THSD7A: variants seen among roughly 807,000 people sequenced by gnomAD.
THSD7A encodes thrombospondin type-1 domain-containing protein 7A.
Under a neutral mutation model 231.3 loss-of-function variants are expected in THSD7A, and 96 were observed. That is an observed-to-expected ratio of 0.41 (90% CI 0.35 to 0.49). The LOEUF (loss-of-function observed/expected upper bound fraction) is 0.49. THSD7A is among the 20% of genes least tolerant of loss of function. The pLI is 0.05. For missense variants in THSD7A, 2,290 were observed against 2,070.2 expected, an observed-to-expected ratio of 1.11 and a Z score of -2.06; for synonymous variants, 940 against 743.3, an observed-to-expected ratio of 1.26 and a Z score of -4.30.
intron 16 of THSD7A, among the ~76,000 whole-genome samples, chr7:11,422,563 G>A (rs1028693757): frequency 4.3e-5 from 6 of 139,654 alleles, no homozygotes; most frequent in Non-Finnish European, 9.1e-5. Flanking sequence ...TGTTTAGAAT[G>A]TGTTTGGAAA....
chr7:11,714,660 C>A (rs1781076646), intron 1 of THSD7A, among the ~76,000 whole-genome samples: 1 of 151,174 alleles, frequency 6.6e-6, no homozygotes, highest in Admixed American at 6.6e-5. Flanking sequence ...TTAAAAAGTA[C>A]CCTAAGAAAA....
chr7:11,529,473 C>T (rs1788611996), intron 6 of THSD7A, among the ~76,000 whole-genome samples: 2 of 152,062 alleles, frequency 1.3e-5, no homozygotes, highest in South Asian at 4.1e-4. Flanking sequence ...GAATTGTAAA[C>T]CCCACCAGGC....
At chr7:11,419,722 T>C (rs1784080117) in intron 16 of THSD7A, among the ~76,000 whole-genome samples, 1 of 152,212 alleles carries the variant, frequency 6.6e-6, no homozygotes. Flanking sequence ...ACGGAACGTT[T>C]GGAACTTCCT....
At chr7:11,656,312 A>C (rs1219300502) in intron 1 of THSD7A, among the ~76,000 whole-genome samples, 1 of 151,908 alleles carries the variant, frequency 6.6e-6, no homozygotes, top group African/African-American at 2.4e-5. Context: ...AATTGCACTC[A>C]CAACAAATTA....
At chr7:11,709,208 G>A (rs1434968109) in intron 1 of THSD7A, among the ~76,000 whole-genome samples, 2 of 150,732 alleles carry the variant, frequency 1.3e-5, no homozygotes, top group Non-Finnish European at 3.0e-5. Flanking sequence ...TGCTCATGCT[G>A]CATACATTCA....
At chr7:11,718,819 A>C (rs900641081) in intron 1 of THSD7A, among the ~76,000 whole-genome samples, 3 of 151,704 alleles carry the variant, frequency 2.0e-5, no homozygotes, top group Admixed American at 1.3e-4. Flanking sequence ...TTTTGTCCAA[A>C]TAAGACAAAA....
chr7:11,517,142 A>T (rs367551750), intron 6 of THSD7A, among the ~76,000 whole-genome samples: 98 of 152,236 alleles, frequency 6.4e-4, no homozygotes, highest in African/African-American at 2.2e-3. Flanking sequence ...TCAGTGGCAC[A>T]ATCTTGGCTC....
At chr7:11,436,393 T>C (rs1363491420) in intron 13 of THSD7A, among the ~76,000 whole-genome samples, 1 of 152,100 alleles carries the variant, frequency 6.6e-6, no homozygotes, top group Non-Finnish European at 1.5e-5. Context: ...TTCTAATAAG[T>C]ATTAAACATA....
chr7:11,793,491 A>T (rs938164134), intron 1 of THSD7A, among the ~76,000 whole-genome samples: 6 of 152,030 alleles, frequency 3.9e-5, no homozygotes, highest in African/African-American at 1.4e-4. Context: ...CATGGGAAGA[A>T]AATGCACTAT....
At position 11,589,309 on chromosome 7, in the gene THSD7A, C is replaced by T. The variant is rs73676034; in HGVS notation, c.1453+1151G>A. Among the ~76,000 whole-genome samples the T allele has an allele frequency of 8.7e-3, 1,329 of 152,226 alleles. 9 individuals are homozygous for T. The highest frequency in any genetic ancestry group is 0.021 in the African/African-American group (862 of 41,540). ...GCCAAATACAACACGCCCATCTTTA[C>T]TGGTGAGATTTACCCTTGGTTTTTG... is the stretch of plus-strand genomic sequence containing the variant. On this transcript the variant is annotated intron_variant, in intron 4 of 27. Transcript: ENST00000423059.
intron 24 of THSD7A, among the ~76,000 whole-genome samples, chr7:11,381,527 T>C (rs2115300211): frequency 6.6e-6 from 1 of 152,316 alleles, no homozygotes; most frequent in Non-Finnish European, 1.5e-5. Flanking sequence ...GTTAAATTTC[T>C]AAACAAACAT....
intron 1 of THSD7A, among the ~76,000 whole-genome samples, chr7:11,715,291 A>T (rs1781099080): frequency 6.6e-6 from 1 of 151,498 alleles, no homozygotes; most frequent in South Asian, 2.1e-4. Flanking sequence ...TTGGAAATGG[A>T]GATTCCAAGT....
chr7:11,514,265 G>C (rs1787936216), intron 6 of THSD7A, among the ~76,000 whole-genome samples: 1 of 151,974 alleles, frequency 6.6e-6, no homozygotes, highest in Admixed American at 6.6e-5. Flanking sequence ...CTCATTTATT[G>C]CCTATTTCTC....
At chr7:11,477,221 T>G (rs1420044694) in intron 7 of THSD7A, among the ~76,000 whole-genome samples, 2 of 152,214 alleles carry the variant, frequency 1.3e-5, no homozygotes, top group African/African-American at 4.8e-5. Flanking sequence ...TGAACAGTTT[T>G]TCAATTGTTT....
chr7:11,422,462 A>T (rs1002647705), intron 16 of THSD7A, among the ~76,000 whole-genome samples: 4 of 152,186 alleles, frequency 2.6e-5, no homozygotes, highest in Admixed American at 2.6e-4. Flanking sequence ...ACATCATTAC[A>T]TGATTAGAGA....
intron 1 of THSD7A, among the ~76,000 whole-genome samples, chr7:11,715,449 C>G (rs139544279): frequency 1.1e-4 from 16 of 151,522 alleles, no homozygotes; most frequent in African/African-American, 3.9e-4. Context: ...TGGTTTTACT[C>G]AACTTAATTA....
At chr7:11,498,940 T>G (rs1787221657) in intron 6 of THSD7A, among the ~76,000 whole-genome samples, 1 of 152,166 alleles carries the variant, frequency 6.6e-6, no homozygotes, top group East Asian at 1.9e-4. Flanking sequence ...ATCTCCTCAC[T>G]GGGCAGGTCC....
At chr7:11,611,883 T>TATC (rs1209753604) in intron 2 of THSD7A, among the ~76,000 whole-genome samples, 2 of 151,120 alleles carry the variant, frequency 1.3e-5, no homozygotes, top group African/African-American at 2.4e-5. Context: ...TCTATCTATC[T>TATC]ATCTGTCTAT....
At chr7:11,659,253 A>G (rs555355388) in intron 1 of THSD7A, among the ~76,000 whole-genome samples, 1 of 151,712 alleles carries the variant, frequency 6.6e-6, no homozygotes, top group Non-Finnish European at 1.5e-5. Context: ...AAAATTGCAA[A>G]TCACCTATTC....
Sources: gnomAD v4.1 joint callset for allele counts (sites outside exome capture counted in the v4.1 genomes callset) on GRCh38, gnomAD v4.1.1 for gene constraint, MANE v1.5 for transcripts, NCBI Gene and HGNC (gene_info 2026-07-23, HGNC 2026-07-21) for gene names.